NRG2: variants seen among roughly 807,000 people sequenced by gnomAD.
The protein encoded by NRG2 is neuregulin 2.
Under a neutral mutation model 73.9 loss-of-function variants are expected in NRG2, and 27 were observed. The observed-to-expected ratio is 0.37, with a 90% CI of 0.27 to 0.50. The LOEUF (loss-of-function observed/expected upper bound fraction) is 0.50, where lower values mean the gene tolerates loss of function less well. Ranked by LOEUF, NRG2 falls within the 20% of genes least tolerant of loss-of-function variation. NRG2 has a pLI of 0.96. For missense variants in NRG2, 1,126 were observed against 1,210.1 expected, an observed-to-expected ratio of 0.93 and a Z score of 1.03; for synonymous variants, 532 against 541.0, an observed-to-expected ratio of 0.98 and a Z score of 0.23.
intron 1 of NRG2, among the ~76,000 whole-genome samples, chr5:139,893,684 G>A (rs1041873986): frequency 3.3e-5 from 5 of 149,708 alleles, no homozygotes; most frequent in South Asian, 2.1e-4. Flanking sequence ...GGTTTTGGGG[G>A]AAGCCCAGAG....
intron 4 of NRG2, among the ~76,000 whole-genome samples, chr5:139,866,929 C>T (rs1403084462): frequency 6.6e-6 from 1 of 152,182 alleles, no homozygotes; most frequent in African/African-American, 2.4e-5. Flanking sequence ...ACAGGGAGGG[C>T]TAGACCCCTT....
chr5:139,974,214 T>A (rs953842051), intron 1 of NRG2, among the ~76,000 whole-genome samples: 1 of 152,092 alleles, frequency 6.6e-6, no homozygotes, highest in African/African-American at 2.4e-5. Flanking sequence ...TTCATTCCAA[T>A]TCCTCACTAG....
In NRG2 at chr5:139,867,801, AGTGTGT is replaced by A. The variant is rs1202470798; in HGVS notation, c.1113-2182_1113-2177del. On this transcript the variant is annotated intron_variant, in intron 4 of 9. Transcript: ENST00000361474. Reference sequence around the variant, plus strand: ...GTGTGTGTGTGTGTGTGTGTGTATGAGTGTGTGTGTGTGTGTGTGTGTGTGTGTGTG... The same window carrying A: ...GTGTGTGTGTGTGTGTGTGTGTATGAGTGTGTGTGTGTGTGTGTGTGTGTG... 7.8e-3 allele frequency among the ~76,000 whole-genome samples: 623 copies of A among 79,510 alleles called. 5 individuals are homozygous for A. Among genetic ancestry groups the A allele is most frequent in the African/African-American group, 0.026 (506 of 19,586 alleles). 52.2% of individuals were successfully genotyped at this position (79,510 alleles called of 152,430 possible). A position where few individuals can be genotyped will look rare whatever the true frequency, so the allele number is the denominator to read the frequency against.
At position 139,848,378 on chromosome 5, in the gene NRG2, C is replaced by T; in HGVS notation, c.2092G>A (p.Gly698Ser). 2 of 1,249,620 alleles carry T rather than the reference C, an allele frequency of 1.6e-6. No individual in the cohort carries two copies. Among genetic ancestry groups the T allele is most frequent in the Admixed American group, 8.7e-5 (2 of 22,910 alleles). 77.4% of individuals were successfully genotyped at this position (1,249,620 alleles called of 1,614,324 possible). Residue 698 changes from glycine (G) to serine (S), a missense_variant, in exon 10 of 10, where the codon GGC (glycine) becomes AGC (serine). Gly to Ser is a moderately conservative substitution (Grantham distance 56). Coordinates refer to ENST00000361474, the MANE Select transcript of NRG2 (RefSeq NM_004883.3). ...RGTCALGGSLGSLPASPFRIP... is the reference protein window; with the variant it reads ...RGTCALGGSLSSLPASPFRIP... The stretch of plus-strand genomic sequence containing the variant: ...CGGAAGGGGCTGGCAGGCAGGCTGC[C>T]CAGGCTGCCGCCGAGCGCGCAGGTC...
At chr5:139,992,448 C>A (rs1213737386) in intron 1 of NRG2, among the ~76,000 whole-genome samples, 1 of 152,092 alleles carries the variant, frequency 6.6e-6, no homozygotes, top group East Asian at 1.9e-4. Flanking sequence ...AATTTCCTCC[C>A]TTCTCATTCT....
intron 1 of NRG2, among the ~76,000 whole-genome samples, chr5:139,974,687 C>G (rs923163287): frequency 6.6e-6 from 1 of 152,138 alleles, no homozygotes; most frequent in Admixed American, 6.5e-5. Context: ...GTTACCAGCC[C>G]CTATTTCTCT....
intron 1 of NRG2, among the ~76,000 whole-genome samples, chr5:139,930,497 CAG>C (rs1752396207): frequency 6.6e-6 from 1 of 152,224 alleles, no homozygotes; most frequent in Admixed American, 6.5e-5. Context: ...AGAAAAGGAA[CAG>C]AGTTCTGTTC....
Position 139,864,179 on chromosome 5 carries a change from A to G in NRG2, c.1189+1370T>C, listed in dbSNP as rs139273091. ...CCTGCTCTGCAGGATGGGATGGGTAACTGGGGACAGGCCTTGCAAGCCAGC... is the reference window on the plus strand; with the variant it reads ...CCTGCTCTGCAGGATGGGATGGGTAGCTGGGGACAGGCCTTGCAAGCCAGC... On this transcript the variant is annotated intron_variant, in intron 5 of 9. Coordinates refer to ENST00000361474, the MANE Select transcript of NRG2 (RefSeq NM_004883.3). Among the ~76,000 whole-genome samples the G allele has an allele frequency of 4.0e-3, 613 of 152,212 alleles. 3 individuals carry two copies. The highest frequency in any genetic ancestry group is 6.1e-3 in the Admixed American group (94 of 15,294).
intron 1 of NRG2, among the ~76,000 whole-genome samples, chr5:139,936,048 AT>A (rs1449602246): frequency 6.6e-6 from 1 of 151,958 alleles, no homozygotes; most frequent in Non-Finnish European, 1.5e-5. Flanking sequence ...TTAGAGGGAA[AT>A]TTATAGAATT....
chr5:139,953,983 C>G (rs2126475062), intron 1 of NRG2, among the ~76,000 whole-genome samples: 1 of 152,194 alleles, frequency 6.6e-6, no homozygotes, highest in South Asian at 2.1e-4. Flanking sequence ...CACTGGAAAC[C>G]CGAAGAGAAC....
At chr5:139,946,437 G>A (rs1442129681) in intron 1 of NRG2, among the ~76,000 whole-genome samples, 1 of 151,968 alleles carries the variant, frequency 6.6e-6, no homozygotes, top group Non-Finnish European at 1.5e-5. Context: ...TAGTGAAGTT[G>A]GATACCTACC....
intron 1 of NRG2, among the ~76,000 whole-genome samples, chr5:140,005,580 TG>T (rs1203302578): frequency 1.3e-5 from 2 of 152,240 alleles, no homozygotes; most frequent in Non-Finnish European, 2.9e-5. Context: ...AATATATTCT[TG>T]GACAGAGACA....
chr5:139,961,738 G>C (rs1580824972), intron 1 of NRG2, among the ~76,000 whole-genome samples: 1 of 152,206 alleles, frequency 6.6e-6, no homozygotes, highest in African/African-American at 2.4e-5. Context: ...GAGAGCTGGA[G>C]GTGAAAGCAG....
chr5:139,866,390 C>G (rs754250079), intron 4 of NRG2, among the ~76,000 whole-genome samples: 8 of 151,992 alleles, frequency 5.3e-5, no homozygotes, highest in Non-Finnish European at 8.8e-5. Flanking sequence ...TTTGAGGAAC[C>G]CTTGTGGTAG....
chr5:139,933,860 T>C (rs762154764), intron 1 of NRG2, among the ~76,000 whole-genome samples: 1 of 152,200 alleles, frequency 6.6e-6, no homozygotes, highest in Non-Finnish European at 1.5e-5. Context: ...CTCAGTAGAT[T>C]TTAAGAGATA....
At chr5:139,975,162 A>G (rs1025218240) in intron 1 of NRG2, among the ~76,000 whole-genome samples, 1 of 152,202 alleles carries the variant, frequency 6.6e-6, no homozygotes, top group Non-Finnish European at 1.5e-5. Context: ...ATATCTTGGA[A>G]TCACTCAGCC....
At chr5:139,864,846 C>T (rs1762380987) in intron 5 of NRG2, among the ~76,000 whole-genome samples, 1 of 152,144 alleles carries the variant, frequency 6.6e-6, no homozygotes, top group South Asian at 2.1e-4. Flanking sequence ...CAAATGCTTC[C>T]TCCCATTCTG....
rs752169789 is a variant in NRG2, at chr5:140,042,853, G to T, written c.217C>A (p.Pro73Thr). ...PEPRPQQQPQ[P>T]RSPAARRAAA... The stretch of plus-strand genomic sequence containing the variant: ...GCTCTCCGGGCTGCGGGGCTGCGGG[G>T]CTGCGGCTGTTGCTGCGGCCGCGGC... The change falls in exon 1 of 10, where the codon CCC becomes ACC. Residue 73 changes from proline (P) to threonine (T), a missense_variant. Physicochemically the swap from Pro to Thr is conservative, Grantham distance 38. This residue lies in a region of NRG2 where 185 missense variants were observed against 149.0 expected (regional missense o/e 1.24). Coordinates refer to ENST00000361474, the MANE Select transcript of NRG2 (RefSeq NM_004883.3). The T allele has an allele frequency of 2.7e-4, 407 of 1,502,540 alleles. No homozygotes were observed. Among genetic ancestry groups the T allele is most frequent in the Non-Finnish European group, 3.0e-4 (341 of 1,129,190 alleles). The allele number at this position is 1,502,540 out of a possible 1,614,324, so 93.1% of individuals were successfully genotyped here. A position where few individuals can be genotyped will look rare whatever the true frequency, so the allele number is the denominator to read the frequency against.
At chr5:139,995,071 C>T (rs1052947790) in intron 1 of NRG2, among the ~76,000 whole-genome samples, 1 of 152,122 alleles carries the variant, frequency 6.6e-6, no homozygotes, top group Non-Finnish European at 1.5e-5. Flanking sequence ...AAAAGGGGTA[C>T]TTTTAAAACA....
Sources: gnomAD v4.1 joint callset for allele counts (sites outside exome capture counted in the v4.1 genomes callset) on GRCh38, gnomAD v4.1.1 for gene constraint, gnomAD v4.1.1 regional missense constraint, MANE v1.5 for transcripts, NCBI Gene and HGNC (gene_info 2026-07-23, HGNC 2026-07-21) for gene names.